Variants in KCNMA1 observed in about 807,000 individuals in gnomAD.
KCNMA1 encodes Calcium-activated potassium channel subunit alpha-1.
KCNMA1 carries 29 observed loss-of-function variants against 140.0 expected under a neutral mutation model. The observed-to-expected ratio is 0.21, with a 90% CI of 0.15 to 0.28. KCNMA1 has a LOEUF of 0.28. Ranked by LOEUF, KCNMA1 falls within the 10% of genes least tolerant of loss-of-function variation. The pLI is 1.00. For missense variants in KCNMA1, 880 were observed against 1,602.2 expected (o/e 0.55, Z 7.70); for synonymous variants, 612 against 611.9 (o/e 1.00, Z 0.00).
intron 15 of KCNMA1, among the ~76,000 whole-genome samples, chr10:77,034,693 G>A (rs987360277): frequency 6.6e-6 from 1 of 152,184 alleles, no homozygotes; most frequent in South Asian, 2.1e-4. Flanking sequence ...CAGCACAGCT[G>A]AGGAAGATCT....
chr10:77,569,716 A>G (rs2070127928), intron 1 of KCNMA1, among the ~76,000 whole-genome samples: 1 of 152,272 alleles, frequency 6.6e-6, no homozygotes, highest in Admixed American at 6.5e-5. Flanking sequence ...CAATAGCAAC[A>G]AAAGTCAAAA....
intron 23 of KCNMA1, among the ~76,000 whole-genome samples, chr10:76,927,437 G>T (rs1226761355): frequency 1.3e-5 from 2 of 152,160 alleles, no homozygotes; most frequent in Non-Finnish European, 2.9e-5. Context: ...ATAACCAGTT[G>T]TTCCATTTTC....
intron 1 of KCNMA1, among the ~76,000 whole-genome samples, chr10:77,526,841 C>A (rs997942460): frequency 2.6e-5 from 4 of 151,788 alleles, no homozygotes; most frequent in Admixed American, 2.6e-4. Flanking sequence ...TCTCTCTCTT[C>A]CCCCTCTCCA....
At chr10:77,548,005 TA>T (rs61319330) in intron 1 of KCNMA1, among the ~76,000 whole-genome samples, 1,840 of 148,802 alleles carry the variant, frequency 0.012, 19 homozygotes, top group East Asian at 0.052. Flanking sequence ...TTTTACAAAT[TA>T]AAAAAAAAAA....
At chr10:77,317,605 T>G (rs766959286) in intron 2 of KCNMA1, among the ~76,000 whole-genome samples, 1 of 152,238 alleles carries the variant, frequency 6.6e-6, no homozygotes, top group Admixed American at 6.5e-5. Flanking sequence ...AAATTCCTAA[T>G]TGAAGATGCG....
At chr10:76,891,255 G>A (rs1589663071) in intron 26 of KCNMA1, 2 of 482,672 alleles carry the variant, frequency 4.1e-6, no homozygotes, top group Non-Finnish European at 7.6e-6. Context: ...AATAGGTCTA[G>A]TGCTCATTCT....
chr10:77,091,466 GC>G (rs2096815838), intron 9 of KCNMA1: 3 of 152,250 alleles, frequency 2.0e-5, no homozygotes, highest in African/African-American at 7.2e-5. Flanking sequence ...GCCACATAAT[GC>G]CCAGTCAGGA....
chr10:77,426,051 G>T (rs375311647), intron 1 of KCNMA1, among the ~76,000 whole-genome samples: 1 of 152,196 alleles, frequency 6.6e-6, no homozygotes, highest in Non-Finnish European at 1.5e-5. Flanking sequence ...AATAATCGGG[G>T]CCTGGCTTGG....
chr10:77,004,177 T>C (rs1010879358), intron 18 of KCNMA1, among the ~76,000 whole-genome samples: 1 of 147,972 alleles, frequency 6.8e-6, no homozygotes, highest in Non-Finnish European at 1.5e-5. Flanking sequence ...TCACACCAAA[T>C]GCAAAATAGA....
chr10:77,636,460 C>G (rs1395987530), intron 1 of KCNMA1: 1 of 1,536,214 alleles, frequency 6.5e-7, no homozygotes. Context: ...CTCAGGCGGA[C>G]TCCCGCTCCA....
At chr10:77,096,405 C>T (rs916283641) in intron 9 of KCNMA1, among the ~76,000 whole-genome samples, 7 of 152,118 alleles carry the variant, frequency 4.6e-5, no homozygotes, top group Admixed American at 4.6e-4. Flanking sequence ...CATCTGCAAT[C>T]GCTTCCTAAC....
intron 3 of KCNMA1, among the ~76,000 whole-genome samples, chr10:77,199,650 G>T (rs947824934): frequency 2.6e-5 from 4 of 152,204 alleles, no homozygotes; most frequent in African/African-American, 9.6e-5. Flanking sequence ...GGAAGCAGAA[G>T]ATCGCCTCTG....
chr10:77,572,382 G>A (rs1237969159), intron 1 of KCNMA1, among the ~76,000 whole-genome samples: 1 of 150,488 alleles, frequency 6.6e-6, no homozygotes, highest in Non-Finnish European at 1.5e-5. Flanking sequence ...ACCAGTAATG[G>A]CCAACCTTCT....
intron 2 of KCNMA1, among the ~76,000 whole-genome samples, chr10:77,322,764 G>C (rs187871598): frequency 1.3e-4 from 20 of 152,174 alleles, no homozygotes; most frequent in African/African-American, 4.3e-4. Flanking sequence ...CTGGAAGGAG[G>C]ACCGACTGTT....
At chr10:77,399,590 G>A (rs756682483) in intron 2 of KCNMA1, among the ~76,000 whole-genome samples, 2 of 152,170 alleles carry the variant, frequency 1.3e-5, no homozygotes, top group African/African-American at 4.8e-5. Flanking sequence ...GGTGAGAGAG[G>A]AGGCAAAGAC....
chr10:77,439,480 C>A (rs1447440135), intron 1 of KCNMA1, among the ~76,000 whole-genome samples: 1 of 152,094 alleles, frequency 6.6e-6, no homozygotes. Flanking sequence ...GAGTGTTGAT[C>A]CAGGAACATC....
At position 77,108,498 on chromosome 10, in the gene KCNMA1, A is replaced by G. The variant is rs748229567; in HGVS notation, c.1206T>C (p.Ser402=). The G allele has an allele frequency of 2.5e-6, 4 of 1,613,630 alleles. No homozygotes were observed. The highest frequency in any genetic ancestry group is 2.7e-5 in the African/African-American group (2 of 74,942). Residue 402 remains serine (S), a synonymous_variant, in exon 9 of 28, where the codon AGT becomes AGC. Transcript: ENST00000286628. This position sits in a 1 kb window ranked among gnomAD's most constrained non-coding sequence, Gnocchi z 4.6. ...GNRKKYGGSY[S]AVSGRKHIVV... ...ATACTTACTTTCTTCCACTAACCGC[A>G]CTATAGGAGCCCCCGTATTTCTTGC... is the stretch of plus-strand genomic sequence containing the variant.
chr10:77,563,406 C>T (rs563756004), intron 1 of KCNMA1, among the ~76,000 whole-genome samples: 3 of 152,218 alleles, frequency 2.0e-5, no homozygotes, highest in African/African-American at 7.2e-5. Flanking sequence ...GCAACCCGTC[C>T]TCATCACCAT....
intron 16 of KCNMA1, chr10:77,019,316 G>A (rs1411904911): frequency 9.0e-6 from 5 of 555,082 alleles, no homozygotes; most frequent in South Asian, 6.3e-5. Flanking sequence ...AGGCTGGCAT[G>A]CTCCCAGTTG....
Sources: allele counts gnomAD v4.1 joint callset (sites outside exome capture counted in the v4.1 genomes callset), GRCh38; gene constraint gnomAD v4.1.1; non-coding constraint Gnocchi (gnomAD v3.1); transcripts MANE v1.5; gene names NCBI Gene and HGNC (gene_info 2026-07-23, HGNC 2026-07-21).